The following CYP4Z1 variants were observed in gnomAD, a reference collection of about 807,000 sequenced individuals.
The protein encoded by CYP4Z1 is cytochrome P450 family 4 subfamily Z member 1, also known as cytochrome P450 4Z1.
A neutral mutation model predicts 54.2 loss-of-function variants in CYP4Z1; 41 were observed. The observed-to-expected ratio is 0.76, with a 90% CI of 0.59 to 0.98. The LOEUF is 0.98. Among genes scored for constraint, CYP4Z1 ranks in the 50% least tolerant of loss-of-function variants. CYP4Z1 has a pLI of 0.00. For synonymous variants in CYP4Z1, 163 were observed against 206.2 expected (o/e 0.79, Z 1.79); for missense variants, 513 against 599.0 (o/e 0.86, Z 1.50).
chr1:47,074,644 A>C (rs1381046432), intron 2 of CYP4Z1: 1 of 188,716 alleles, frequency 5.3e-6, no homozygotes, highest in Non-Finnish European at 1.1e-5. Flanking sequence ...ATCCTTGTTG[A>C]AAATGAATTG....
chr1:47,095,108 A>T (rs1369290639), intron 7 of CYP4Z1, among the ~76,000 whole-genome samples: 2 of 152,148 alleles, frequency 1.3e-5, no homozygotes, highest in African/African-American at 2.4e-5. Flanking sequence ...CCAGTGTCAC[A>T]TTTTAATTAT....
At chr1:47,079,591 A>G (rs553398586) in intron 2 of CYP4Z1, among the ~76,000 whole-genome samples, 1 of 152,354 alleles carries the variant, frequency 6.6e-6, no homozygotes, top group East Asian at 1.9e-4. Context: ...CAATTCTATC[A>G]ATCTCTTTTA....
chr1:47,055,722 A>G, the CYP4Z1 span, among the ~76,000 whole-genome samples: 1 of 151,916 alleles, frequency 6.6e-6, no homozygotes, highest in African/African-American at 2.4e-5. Flanking sequence ...TGTTTATAGT[A>G]TTTTCTGATG....
intron 6 of CYP4Z1, among the ~76,000 whole-genome samples, chr1:47,086,621 A>C (rs1644597095): frequency 6.6e-6 from 1 of 152,098 alleles, no homozygotes; most frequent in Non-Finnish European, 1.5e-5. Context: ...GAGATTGCAA[A>C]AATTTTCTCC....
At chr1:47,077,934 A>T (rs1644537579) in intron 2 of CYP4Z1, among the ~76,000 whole-genome samples, 1 of 151,944 alleles carries the variant, frequency 6.6e-6, no homozygotes. Context: ...TATATATTTT[A>T]TGTTCCTCAC....
At chr1:47,103,595 CT>C (rs373166937) in intron 8 of CYP4Z1, among the ~76,000 whole-genome samples, 26,129 of 94,644 alleles carry the variant, frequency 0.28, 2,602 homozygotes, top group East Asian at 0.64. Flanking sequence ...TCTTTTTTTT[CT>C]TTTTTTTTTT....
upstream of CYP4Z1, among the ~76,000 whole-genome samples, chr1:47,063,201 C>G (rs1644432983): frequency 6.6e-6 from 1 of 152,136 alleles, no homozygotes; most frequent in Non-Finnish European, 1.5e-5. Flanking sequence ...AACATCACAT[C>G]AAGGGAGCAC....
upstream of CYP4Z1, among the ~76,000 whole-genome samples, chr1:47,064,731 G>T (rs1644440995): frequency 6.6e-6 from 1 of 152,090 alleles, no homozygotes; most frequent in Non-Finnish European, 1.5e-5. Context: ...TGGCCCAAAT[G>T]CTCTACTTAA....
chr1:47,116,051 C>G (rs72637964), intron 10 of CYP4Z1, among the ~76,000 whole-genome samples: 40 of 150,794 alleles, frequency 2.7e-4, no homozygotes, highest in South Asian at 1.7e-3. Context: ...CAGTGCTAAC[C>G]TGAGAGTGAA....
chr1:47,109,602 A>G lies in CYP4Z1; in HGVS notation c.1201+3341A>G, dbSNP rs113153033. Among the ~76,000 whole-genome samples, 824 of 152,344 alleles carry G rather than the reference A, an allele frequency of 5.4e-3. 8 individuals are homozygous for G. The highest frequency in any genetic ancestry group is 0.019 in the African/African-American group (782 of 41,578). ...TGACAGATTGTGACTCAAATGATAC[A>G]CAGATTCCTGGGAGAGCAGTCATTT... On this transcript the variant is annotated intron_variant, in intron 9 of 11. Transcript: ENST00000334194.
At chr1:47,083,362 A>ACTGC (rs1418571867) in intron 4 of CYP4Z1, among the ~76,000 whole-genome samples, 3 of 152,252 alleles carry the variant, frequency 2.0e-5, no homozygotes, top group Non-Finnish European at 2.9e-5. Context: ...AAATATAGTG[A>ACTGC]CTGCAAATAC....
chr1:47,108,253 T>C (rs1484192326), intron 9 of CYP4Z1, among the ~76,000 whole-genome samples: 1 of 152,128 alleles, frequency 6.6e-6, no homozygotes, highest in Non-Finnish European at 1.5e-5. Context: ...TTCACTTTCT[T>C]CACCCCAGGC....
intron 8 of CYP4Z1, among the ~76,000 whole-genome samples, chr1:47,103,075 A>G (rs550349859): frequency 4.9e-4 from 75 of 152,018 alleles, no homozygotes; most frequent in Non-Finnish European, 6.0e-4. Context: ...ACCTGTCATC[A>G]AGGTCTGAGA....
chr1:47,088,552 AT>A lies in CYP4Z1; in HGVS notation c.772+3583del, dbSNP rs549843969. 5.4e-3 allele frequency among the ~76,000 whole-genome samples: 773 copies of A among 144,204 alleles called. 6 individuals carry two copies. The highest frequency in any genetic ancestry group is 0.018 in the African/African-American group (700 of 39,380). 94.6% of individuals were successfully genotyped at this position (144,204 alleles called of 152,430 possible). On this transcript the variant is annotated intron_variant, in intron 6 of 11. Coordinates refer to ENST00000334194, the MANE Select transcript of CYP4Z1 (RefSeq NM_178134.3). ...GGATTGGTGGTGACATCCCTTTATC[AT>A]TTTTTTTTCGTCTATTTGATTCTTC...
chr1:47,106,430 C>T (rs1482758676), intron 9 of CYP4Z1, among the ~76,000 whole-genome samples, 169 bp downstream of exon 9: 2 of 152,028 alleles, frequency 1.3e-5, no homozygotes, highest in Non-Finnish European at 2.9e-5. Flanking sequence ...ACTATCCAAA[C>T]AGGCACAGGA....
chr1:47,109,613 G>A (rs562497813), intron 9 of CYP4Z1, among the ~76,000 whole-genome samples: 2 of 152,250 alleles, frequency 1.3e-5, no homozygotes, highest in East Asian at 3.9e-4. Context: ...CAGATTCCTG[G>A]GAGAGCAGTC....
intron 8 of CYP4Z1, among the ~76,000 whole-genome samples, chr1:47,102,502 G>A (rs1300459396): frequency 6.6e-6 from 1 of 152,116 alleles, no homozygotes; most frequent in African/African-American, 2.4e-5. Context: ...ACTCCCTTGA[G>A]CATTTCTCAT....
upstream of CYP4Z1, among the ~76,000 whole-genome samples, chr1:47,064,630 C>A (rs1227669722): frequency 1.3e-5 from 2 of 151,776 alleles, no homozygotes; most frequent in East Asian, 3.9e-4. Context: ...ATAACAAAAA[C>A]TCAATTAAAA....
At chr1:47,103,595 C>CTTTTTTTTTTTTTTTTTTTTTTTTTTTT (rs373166937) in intron 8 of CYP4Z1, among the ~76,000 whole-genome samples, 1 of 96,028 alleles carries the variant, frequency 1.0e-5, no homozygotes, top group East Asian at 3.3e-4. Context: ...TCTTTTTTTT[C>CTTTTTTTTTTTTTTTTTTTTTTTTTTTT]TTTTTTTTTT....
Sources: allele counts gnomAD v4.1 joint callset (sites outside exome capture counted in the v4.1 genomes callset), GRCh38; gene constraint gnomAD v4.1.1; transcripts MANE v1.5; gene names NCBI Gene and HGNC (gene_info 2026-07-23, HGNC 2026-07-21).